The following HTR1F variants were observed in gnomAD, a reference collection of about 807,000 sequenced individuals.
The protein encoded by HTR1F is 5-hydroxytryptamine receptor 1F.
HTR1F carries 17 observed loss-of-function variants against 24.0 expected under a neutral mutation model. The ratio of observed to expected loss-of-function variants is 0.71; its 90% CI spans 0.48 to 1.06. The LOEUF (loss-of-function observed/expected upper bound fraction) is 1.06. HTR1F is among the 50% of genes least tolerant of loss of function. The probability of loss-of-function intolerance (pLI) is 0.00; values close to 1 mark genes in which losing one functional copy is unlikely to be tolerated. For missense variants in HTR1F, 391 were observed against 427.8 expected, an observed-to-expected ratio of 0.91 and a Z score of 0.76; for synonymous variants, 186 against 156.8, an observed-to-expected ratio of 1.19 and a Z score of -1.39.
intron 1 of HTR1F, among the ~76,000 whole-genome samples, chr3:87,816,868 T>C (rs1410573718): frequency 6.6e-6 from 1 of 152,084 alleles, no homozygotes; most frequent in Non-Finnish European, 1.5e-5. Flanking sequence ...ACCATCTTGG[T>C]CAAGTCTCTA....
At chr3:87,850,707 AT>A (rs1705065915) in intron 2 of HTR1F, among the ~76,000 whole-genome samples, 1 of 151,712 alleles carries the variant, frequency 6.6e-6, no homozygotes, top group Non-Finnish European at 1.5e-5. Context: ...ATATAGAAAA[AT>A]TTATATTTTA....
intron 2 of HTR1F, among the ~76,000 whole-genome samples, chr3:87,971,482 C>G (rs1032154097): frequency 6.6e-6 from 1 of 151,924 alleles, no homozygotes; most frequent in African/African-American, 2.4e-5. Context: ...TCACCAGAGC[C>G]CAGGAAGTTG....
intron 2 of HTR1F, among the ~76,000 whole-genome samples, chr3:87,880,148 A>G (rs1233307295): frequency 2.0e-5 from 3 of 152,186 alleles, no homozygotes; most frequent in Non-Finnish European, 4.4e-5. Context: ...ATAAAAACAG[A>G]TAAGTGATAG....
At chr3:87,869,680 CAGA>C (rs1474143728) in intron 2 of HTR1F, among the ~76,000 whole-genome samples, 1 of 151,954 alleles carries the variant, frequency 6.6e-6, no homozygotes, top group African/African-American at 2.4e-5. Flanking sequence ...TGATGTTAGG[CAGA>C]AGAAATTTTA....
chr3:87,925,204 C>A (rs1475588601), intron 2 of HTR1F, among the ~76,000 whole-genome samples: 3 of 152,014 alleles, frequency 2.0e-5, no homozygotes, highest in African/African-American at 7.2e-5. Flanking sequence ...CAAGCCAGTT[C>A]TTTGGCTCTG....
chr3:87,871,785 G>A (rs1448066957), intron 2 of HTR1F, among the ~76,000 whole-genome samples: 1 of 152,038 alleles, frequency 6.6e-6, no homozygotes, highest in African/African-American at 2.4e-5. Context: ...GAATGGAAGG[G>A]AAAATAGGCA....
At chr3:87,806,214 C>T (rs1468602781) in intron 1 of HTR1F, among the ~76,000 whole-genome samples, 1 of 152,040 alleles carries the variant, frequency 6.6e-6, no homozygotes, top group Non-Finnish European at 1.5e-5. Context: ...CTGCAATAAA[C>T]ATTTAAGTAC....
chr3:87,945,966 G>T (rs1231158881), intron 2 of HTR1F, among the ~76,000 whole-genome samples: 3 of 152,102 alleles, frequency 2.0e-5, no homozygotes, highest in Non-Finnish European at 2.9e-5. Context: ...CTGATTTTGG[G>T]TTCTTGGCCT....
chr3:87,951,715 G>A (rs1476809246), intron 2 of HTR1F, among the ~76,000 whole-genome samples: 1 of 151,972 alleles, frequency 6.6e-6, no homozygotes, highest in African/African-American at 2.4e-5. Context: ...ATATTCTGTA[G>A]ATGTAGGCAA....
chr3:87,946,871 C>T (rs6802936), intron 2 of HTR1F, among the ~76,000 whole-genome samples: 27,227 of 151,838 alleles, frequency 0.18, 2,643 homozygotes, highest in African/African-American at 0.27. Context: ...ATGATCTGCC[C>T]GCCTTAGCCT....
chr3:87,858,216 G>A (rs1273915864), intron 2 of HTR1F, among the ~76,000 whole-genome samples: 1 of 152,106 alleles, frequency 6.6e-6, no homozygotes, highest in African/African-American at 2.4e-5. Context: ...CAGTTTTACT[G>A]AGCAAAGGCA....
rs1027221571 is a variant in HTR1F at position 87,991,703 on chromosome 3, C to T, written c.954C>T (p.Val318=). 6.2e-7 allele frequency: 1 copy of T among 1,613,878 alleles called. No homozygotes were observed. The highest frequency in any genetic ancestry group is 2.2e-5 in the East Asian group (1 of 44,866). ...TTGTAAAAGAATTAGTTGTTAATGT[C>T]TGTGACAAATGTAAAATTTCTGAAG... The part of the protein sequence containing the change: ...PFFVKELVVN[V]CDKCKISEEM... The change falls in exon 3 of 3, where the codon GTC becomes GTT. Residue 318 remains valine, a synonymous_variant. Coordinates refer to ENST00000319595, the MANE Select transcript of HTR1F (RefSeq NM_001322209.2).
chr3:87,806,024 G>A (rs1286079496), intron 1 of HTR1F, among the ~76,000 whole-genome samples: 2 of 151,868 alleles, frequency 1.3e-5, no homozygotes, highest in Non-Finnish European at 2.9e-5. Flanking sequence ...TTGTCTCTGT[G>A]TCTGGCTTAT....
chr3:87,944,067 T>A (rs1576070586), intron 2 of HTR1F, among the ~76,000 whole-genome samples: 1 of 152,272 alleles, frequency 6.6e-6, no homozygotes, highest in East Asian at 1.9e-4. Context: ...CTTATCAGAT[T>A]AGTTATGCTC....
chr3:87,916,215 G>A (rs1258103259), intron 2 of HTR1F, among the ~76,000 whole-genome samples: 3 of 141,068 alleles, frequency 2.1e-5, no homozygotes, highest in African/African-American at 7.7e-5. Context: ...TCTAAATCTT[G>A]AAATAAATCC....
intron 2 of HTR1F, among the ~76,000 whole-genome samples, chr3:87,934,953 C>T (rs1704375349): frequency 6.6e-6 from 1 of 152,138 alleles, no homozygotes; most frequent in South Asian, 2.1e-4. Flanking sequence ...GCAGCCTTGA[C>T]CTTCTGGGCT....
chr3:87,927,440 C>T (rs115480408), intron 2 of HTR1F, among the ~76,000 whole-genome samples: 4,849 of 152,090 alleles, frequency 0.032, 234 homozygotes, highest in African/African-American at 0.11. Flanking sequence ...AAGAAGTGCA[C>T]GTAATACAGA....
chr3:87,982,328 C>T (rs1705562277), intron 2 of HTR1F, among the ~76,000 whole-genome samples: 1 of 152,104 alleles, frequency 6.6e-6, no homozygotes, highest in Admixed American at 6.5e-5. Flanking sequence ...GGTGTTGCCC[C>T]ACAGCCCTAA....
At chr3:87,937,056 G>A (rs1704438643) in intron 2 of HTR1F, among the ~76,000 whole-genome samples, 2 of 144,520 alleles carry the variant, frequency 1.4e-5, no homozygotes, top group South Asian at 2.2e-4. Flanking sequence ...ACAAAGAAGA[G>A]CTGGTACCAT....
Sources: allele counts gnomAD v4.1 joint callset (sites outside exome capture counted in the v4.1 genomes callset), GRCh38; gene constraint gnomAD v4.1.1; transcripts MANE v1.5; gene names NCBI Gene and HGNC (gene_info 2026-07-23, HGNC 2026-07-21).